Variants in NR5A2 observed in about 807,000 individuals in gnomAD.
The protein encoded by NR5A2 is nuclear receptor subfamily 5 group A member 2, also known as CYP7A promoter-binding factor.
In NR5A2, 26 loss-of-function variants were observed where a neutral mutation model predicts 62.7. The observed-to-expected ratio is 0.41, with a 90% CI of 0.30 to 0.58. The LOEUF is 0.58. Ranked by LOEUF, NR5A2 falls within the 20% of genes least tolerant of loss-of-function variation. NR5A2 has a pLI of 0.22. For synonymous variants in NR5A2, 246 were observed against 241.7 expected (o/e 1.02, Z -0.16); for missense variants, 541 against 669.1 (o/e 0.81, Z 2.11).
intron 5 of NR5A2, among the ~76,000 whole-genome samples, chr1:200,075,713 A>C (rs1345301549): frequency 5.3e-5 from 8 of 152,172 alleles, no homozygotes; most frequent in Non-Finnish European, 4.4e-5. Context: ...TTATCCACTC[A>C]TGCTGGCTTT....
At chr1:200,098,903 A>C (rs1296975144) in intron 5 of NR5A2, among the ~76,000 whole-genome samples, 1 of 152,216 alleles carries the variant, frequency 6.6e-6, no homozygotes, top group Non-Finnish European at 1.5e-5. Context: ...CACTATCTAG[A>C]AATTTTTAAC....
Position 200,039,800 on chromosome 1 carries a change from G to A in NR5A2, c.202+5G>A. ...AGATGCCGGAAAACATGCAAGGTAA[G>A]GAGGCGCCGCGCGGCGCTCCGGCTC... On this transcript the variant is annotated splice_donor_5th_base_variant and intron_variant, in intron 2 of 7. Coordinates refer to ENST00000367362, the MANE Select transcript of NR5A2 (RefSeq NM_205860.3). This position sits in a 1 kb window ranked among gnomAD's most constrained non-coding sequence, Gnocchi z 5.1. 1.3e-6 allele frequency: 2 copies of A among 1,595,168 alleles called. No homozygotes were observed. Among genetic ancestry groups the A allele is most frequent in the Non-Finnish European group, 1.7e-6 (2 of 1,172,384 alleles).
intron 7 of NR5A2, among the ~76,000 whole-genome samples, chr1:200,155,741 T>G (rs1032002471): frequency 6.6e-6 from 1 of 152,122 alleles, no homozygotes; most frequent in African/African-American, 2.4e-5. Context: ...TGGTGCGATC[T>G]TGGCTCACTG....
chr1:200,133,731 ACTTTG>A (rs994134258), intron 7 of NR5A2, among the ~76,000 whole-genome samples: 10 of 151,736 alleles, frequency 6.6e-5, no homozygotes, highest in Non-Finnish European at 1.2e-4. Context: ...CCTACTATAT[ACTTTG>A]AAGTTATTTT....
In NR5A2 at chr1:200,093,560, A is replaced by C. The variant is rs1165615951; in HGVS notation, c.1111-17642A>C. 2.6e-5 allele frequency among the ~76,000 whole-genome samples: 4 copies of C among 152,216 alleles called. No individual in the cohort carries two copies. In the East Asian group the frequency reaches 7.7e-4, roughly 29 times the overall value. ...ACACGGTTTTCCAGAGAAACTATGAATATTGAGAAAACAGCAGCCTCCAAA... is the reference window on the plus strand; with the variant it reads ...ACACGGTTTTCCAGAGAAACTATGACTATTGAGAAAACAGCAGCCTCCAAA... On this transcript the variant is annotated intron_variant, in intron 5 of 7. Transcript: ENST00000367362.
intron 1 of NR5A2, among the ~76,000 whole-genome samples, chr1:200,031,136 C>T (rs1458109452): frequency 4.6e-5 from 7 of 152,148 alleles, no homozygotes; most frequent in Non-Finnish European, 8.8e-5. Flanking sequence ...TTTCCATGCC[C>T]GAGTCCATCT....
At chr1:200,113,491 G>A (rs955895246) in intron 6 of NR5A2, among the ~76,000 whole-genome samples, 1 of 152,232 alleles carries the variant, frequency 6.6e-6, no homozygotes, top group Admixed American at 6.5e-5. Flanking sequence ...GGAAGCAAAA[G>A]TGCTGCAAAG....
intron 5 of NR5A2, among the ~76,000 whole-genome samples, chr1:200,091,484 C>CTT (rs35491701): frequency 0.047 from 5,943 of 126,464 alleles, 253 homozygotes; most frequent in Non-Finnish European, 0.071. Flanking sequence ...TGCTCTCTTT[C>CTT]TTTTTTTTTT....
intron 5 of NR5A2, among the ~76,000 whole-genome samples, chr1:200,067,847 C>T (rs184939380): frequency 9.5e-4 from 145 of 152,322 alleles, no homozygotes; most frequent in African/African-American, 3.3e-3. Context: ...CAGTTGGCTA[C>T]GTATGCAGAG....
chr1:200,120,354 A>C (rs1278808724), intron 6 of NR5A2, among the ~76,000 whole-genome samples: 1 of 152,206 alleles, frequency 6.6e-6, no homozygotes, highest in Non-Finnish European at 1.5e-5. Flanking sequence ...CACCTTATTC[A>C]TGAGAGTTAA....
intron 5 of NR5A2, among the ~76,000 whole-genome samples, chr1:200,095,560 A>AT (rs546798978): frequency 8.0e-4 from 119 of 149,364 alleles, no homozygotes; most frequent in African/African-American, 1.6e-3. Context: ...CAAGTAATAT[A>AT]TTTTTTTTTT....
At chr1:200,040,594 C>A (rs537757604) in intron 2 of NR5A2, among the ~76,000 whole-genome samples, 3 of 152,210 alleles carry the variant, frequency 2.0e-5, no homozygotes, top group Non-Finnish European at 4.4e-5. Flanking sequence ...AAGTTTATCT[C>A]ATTTGCTCTG....
At chr1:200,101,262 T>C (rs1328462439) in intron 5 of NR5A2, among the ~76,000 whole-genome samples, 2 of 152,174 alleles carry the variant, frequency 1.3e-5, no homozygotes, top group Non-Finnish European at 2.9e-5. Flanking sequence ...TTATATTCAT[T>C]CAAGTCTTGA....
chr1:200,136,107 C>T (rs1041604494), intron 7 of NR5A2, among the ~76,000 whole-genome samples: 7 of 152,128 alleles, frequency 4.6e-5, no homozygotes, highest in Admixed American at 4.6e-4. Context: ...TAATAATAAA[C>T]AATTAGGCCT....
At chr1:200,122,975 A>G (rs918004940) in intron 7 of NR5A2, among the ~76,000 whole-genome samples, 1 of 152,182 alleles carries the variant, frequency 6.6e-6, no homozygotes, top group African/African-American at 2.4e-5. Context: ...TATATAGATA[A>G]TTAACTTTAG....
intron 5 of NR5A2, among the ~76,000 whole-genome samples, chr1:200,071,703 G>C (rs1474657444): frequency 6.6e-6 from 1 of 152,120 alleles, no homozygotes; most frequent in South Asian, 2.1e-4. Flanking sequence ...GGCTATTTTA[G>C]ATTAAAAACC....
chr1:200,153,401 T>C (rs1319497300), intron 7 of NR5A2, among the ~76,000 whole-genome samples: 1 of 152,202 alleles, frequency 6.6e-6, no homozygotes, highest in African/African-American at 2.4e-5. Context: ...CATAGGAGAA[T>C]GTTGGCTCTG....
chr1:200,158,226 T>C (rs369121875), intron 7 of NR5A2, among the ~76,000 whole-genome samples: 1 of 152,110 alleles, frequency 6.6e-6, no homozygotes, highest in Non-Finnish European at 1.5e-5. Flanking sequence ...TAAAAAGGAG[T>C]TGGGAGCATC....
chr1:200,089,985 G>A (rs1037745865), intron 5 of NR5A2, among the ~76,000 whole-genome samples: 1 of 152,206 alleles, frequency 6.6e-6, no homozygotes, highest in South Asian at 2.1e-4. Context: ...AGGCCTGGAC[G>A]TATTTGACAT....
Sources: gnomAD v4.1 joint callset for allele counts (sites outside exome capture counted in the v4.1 genomes callset) on GRCh38, gnomAD v4.1.1 for gene constraint, Gnocchi (gnomAD v3.1) non-coding constraint, MANE v1.5 for transcripts, NCBI Gene and HGNC (gene_info 2026-07-23, HGNC 2026-07-21) for gene names.